LRRC37A2: variants seen among roughly 807,000 people sequenced by gnomAD.
LRRC37A2 encodes the protein leucine-rich repeat-containing protein 37A2.
Under a neutral mutation model 68.8 loss-of-function variants are expected in LRRC37A2, and 9 were observed. That is an observed-to-expected ratio of 0.13 (90% CI 0.08 to 0.23). The LOEUF (loss-of-function observed/expected upper bound fraction) is 0.23. Ranked by LOEUF, LRRC37A2 falls within the 10% of genes least tolerant of loss-of-function variation. The pLI is 1.00. For synonymous variants in LRRC37A2, 63 were observed against 367.6 expected, an observed-to-expected ratio of 0.17 and a Z score of 9.48; for missense variants, 168 against 950.4, an observed-to-expected ratio of 0.18 and a Z score of 10.82.
At chr17:46,883,760 C>T in the LRRC37A2 span, among the ~76,000 whole-genome samples, 1 of 152,198 alleles carries the variant, frequency 6.6e-6, no homozygotes, top group African/African-American at 2.4e-5. Context: ...TTCAGGGCGA[C>T]TGGTGGCATC....
chr17:46,817,919 A>T, the LRRC37A2 span, among the ~76,000 whole-genome samples: 3 of 151,996 alleles, frequency 2.0e-5, no homozygotes, highest in Non-Finnish European at 2.9e-5. Context: ...CAAATACCAT[A>T]TTCACTTCAG....
the LRRC37A2 span, among the ~76,000 whole-genome samples, chr17:47,023,611 T>C: frequency 2.6e-5 from 4 of 152,088 alleles, no homozygotes; most frequent in Non-Finnish European, 1.5e-5. Context: ...ATTTATTTTT[T>C]CAGATGGAAT....
chr17:46,781,095 G>A, the LRRC37A2 span, among the ~76,000 whole-genome samples: 5 of 152,060 alleles, frequency 3.3e-5, no homozygotes, highest in Non-Finnish European at 7.4e-5. Flanking sequence ...GGGCCTGGTG[G>A]TGCGTGCCTG....
At chr17:46,899,211 G>A in the LRRC37A2 span, among the ~76,000 whole-genome samples, 12 of 152,018 alleles carry the variant, frequency 7.9e-5, no homozygotes, top group Non-Finnish European at 1.5e-4. Context: ...CCAGTGTGGC[G>A]AAAACCCTGC....
the LRRC37A2 span, among the ~76,000 whole-genome samples, chr17:46,796,092 G>A: frequency 1.3e-5 from 2 of 152,228 alleles, no homozygotes; most frequent in Admixed American, 6.5e-5. Flanking sequence ...ACGCCTGCAG[G>A]CCAGGGCTTT....
chr17:47,014,200 G>A, the LRRC37A2 span, among the ~76,000 whole-genome samples: 1 of 152,004 alleles, frequency 6.6e-6, no homozygotes, highest in Admixed American at 6.6e-5. Flanking sequence ...GACCAGCCTG[G>A]CCAACATGGT....
the LRRC37A2 span, among the ~76,000 whole-genome samples, chr17:47,013,112 T>C: frequency 3.9e-5 from 6 of 152,194 alleles, no homozygotes; most frequent in African/African-American, 9.7e-5. Flanking sequence ...CAAAATGCCA[T>C]GTTTTATGTA....
chr17:46,800,671 G>A, the LRRC37A2 span, among the ~76,000 whole-genome samples: 1 of 152,238 alleles, frequency 6.6e-6, no homozygotes, highest in Admixed American at 6.5e-5. Context: ...GGACCAGCAG[G>A]TGACTCTCAA....
At chr17:46,999,952 T>A in the LRRC37A2 span, among the ~76,000 whole-genome samples, 4 of 147,192 alleles carry the variant, frequency 2.7e-5, no homozygotes, top group Non-Finnish European at 4.5e-5. Flanking sequence ...TGGGCTGAGA[T>A]CACGCCACTG....
the LRRC37A2 span, among the ~76,000 whole-genome samples, chr17:46,783,958 G>A: frequency 6.6e-6 from 1 of 152,256 alleles, no homozygotes; most frequent in East Asian, 1.9e-4. Flanking sequence ...AGAGGTGGGT[G>A]CTGGGAAAGC....
chr17:46,956,114 G>A, the LRRC37A2 span, among the ~76,000 whole-genome samples: 1 of 151,978 alleles, frequency 6.6e-6, no homozygotes, highest in African/African-American at 2.4e-5. Flanking sequence ...TTAGCAGGAG[G>A]GTCCATCTTA....
At chr17:46,793,931 C>T in the LRRC37A2 span, among the ~76,000 whole-genome samples, 6 of 152,184 alleles carry the variant, frequency 3.9e-5, no homozygotes, top group East Asian at 3.8e-4. Context: ...CCAGACCCCA[C>T]CCTCTGGAGA....
chr17:46,884,234 G>A, the LRRC37A2 span, among the ~76,000 whole-genome samples: 3 of 152,160 alleles, frequency 2.0e-5, no homozygotes, highest in Admixed American at 2.0e-4. Flanking sequence ...CTCCGAGCCC[G>A]GGGTCACCTG....
the LRRC37A2 span, among the ~76,000 whole-genome samples, chr17:46,825,996 C>A: frequency 1.3e-5 from 2 of 152,256 alleles, no homozygotes; most frequent in African/African-American, 4.8e-5. Flanking sequence ...GCACTCCAGC[C>A]TCGGCAACAA....
At chr17:46,555,592 GC>G in exon 15 of LRRC37A2, 1 of 858,844 alleles carries the variant, frequency 1.2e-6, no homozygotes. Flanking sequence ...GGAGAACACA[GC>G]CCACCTCAGG....
At chr17:46,872,540 C>T in the LRRC37A2 span, 13 of 1,559,208 alleles carry the variant, frequency 8.3e-6, no homozygotes, top group African/African-American at 8.1e-5. Flanking sequence ...GAAGTCCTGA[C>T]GCCCTTCCCA....
chr17:46,921,752 T>C, the LRRC37A2 span, among the ~76,000 whole-genome samples: 5 of 152,202 alleles, frequency 3.3e-5, no homozygotes, highest in Non-Finnish European at 5.9e-5. Flanking sequence ...TCACTGGCCA[T>C]CAGAGAAATG....
At chr17:47,019,529 G>A in the LRRC37A2 span, 2 of 1,516,484 alleles carry the variant, frequency 1.3e-6, no homozygotes, top group African/African-American at 2.8e-5. Flanking sequence ...ATCCAGATCA[G>A]CTTCAGACTC....
the LRRC37A2 span, among the ~76,000 whole-genome samples, chr17:46,722,391 G>A: frequency 6.6e-6 from 1 of 152,136 alleles, no homozygotes; most frequent in South Asian, 2.1e-4. Flanking sequence ...TATAACTCAC[G>A]GTGAGTTTGG....
Sources: gnomAD v4.1 joint callset for allele counts (sites outside exome capture counted in the v4.1 genomes callset) on GRCh38, gnomAD v4.1.1 for gene constraint, MANE v1.5 for transcripts, NCBI Gene and HGNC (gene_info 2026-07-23, HGNC 2026-07-21) for gene names.